Variants in RGS5 observed in about 807,000 individuals in gnomAD.
RGS5 encodes regulator of G protein signaling 5.
Under a neutral mutation model 18.9 loss-of-function variants are expected in RGS5, and 20 were observed. The ratio of observed to expected loss-of-function variants is 1.06; its 90% CI spans 0.74 to 1.54. The LOEUF (loss-of-function observed/expected upper bound fraction) is 1.54. Among genes scored for constraint, RGS5 ranks in the 40% most tolerant of loss-of-function variants. RGS5 has a pLI of 0.00. For missense variants in RGS5, 201 were observed against 211.8 expected (o/e 0.95, Z 0.32); for synonymous variants, 57 against 76.2 (o/e 0.75, Z 1.31).
intron 2 of RGS5, 73 bp from the exon 3 acceptor site, chr1:163,162,049 A>G: frequency 2.0e-6 from 2 of 981,086 alleles, no homozygotes; most frequent in Non-Finnish European, 3.3e-6. Flanking sequence ...AGCAATAACT[A>G]CTTCCTGTTT....
chr1:163,208,459 A>C (rs1161338460), intron 1 of RGS5, among the ~76,000 whole-genome samples: 4 of 135,490 alleles, frequency 3.0e-5, no homozygotes, highest in Non-Finnish European at 4.7e-5. Context: ...TCAAGGCTGC[A>C]GTGAGCTATG....
chr1:163,173,080 A>G (rs1222735473), intron 1 of RGS5, among the ~76,000 whole-genome samples: 2 of 152,328 alleles, frequency 1.3e-5, no homozygotes, highest in Admixed American at 1.3e-4. Context: ...CATCAAAAAC[A>G]ACACCATCCA....
chr1:163,263,073 C>T (rs757244533), intron 2 of RGS5, among the ~76,000 whole-genome samples: 1 of 152,174 alleles, frequency 6.6e-6, no homozygotes, highest in Non-Finnish European at 1.5e-5. Flanking sequence ...ACCTCAGGGA[C>T]TTCATTGCTT....
chr1:163,205,436 C>G (rs1170261100), upstream of RGS5, among the ~76,000 whole-genome samples: 5 of 151,168 alleles, frequency 3.3e-5, no homozygotes, highest in Non-Finnish European at 5.9e-5. Context: ...TTTAAAATCT[C>G]CTTTCCCTCC....
chr1:163,165,736 T>A (rs977892500), intron 2 of RGS5, among the ~76,000 whole-genome samples: 1 of 151,778 alleles, frequency 6.6e-6, no homozygotes, highest in South Asian at 2.1e-4. Flanking sequence ...AGAAACCCTG[T>A]CTCTACTAAA....
At chr1:163,191,753 G>A (rs765481946) in intron 1 of RGS5, among the ~76,000 whole-genome samples, 4 of 152,098 alleles carry the variant, frequency 2.6e-5, no homozygotes, top group Non-Finnish European at 4.4e-5. Context: ...AGAGGACCAC[G>A]TTTTGCTCTA....
At chr1:163,263,162 C>T (rs1648495398) in intron 2 of RGS5, among the ~76,000 whole-genome samples, 1 of 152,136 alleles carries the variant, frequency 6.6e-6, no homozygotes, top group Non-Finnish European at 1.5e-5. Context: ...TACAAAAGAT[C>T]TTCTGTAATT....
At chr1:163,233,354 T>G (rs1221781546) in intron 2 of RGS5, among the ~76,000 whole-genome samples, 1 of 152,248 alleles carries the variant, frequency 6.6e-6, no homozygotes, top group Non-Finnish European at 1.5e-5. Context: ...TAATAAAAGA[T>G]GTTTTAAAAT....
At chr1:163,161,889 TA>T in intron 3 of RGS5, 25 bp downstream of exon 3, 2 of 1,598,490 alleles carry the variant, frequency 1.3e-6, no homozygotes, top group Non-Finnish European at 1.7e-6. Context: ...GACCTTTATT[TA>T]AAAAAACAAA....
chr1:163,321,191 G>C (rs181787787), intron 1 of RGS5: 12 of 152,376 alleles, frequency 7.9e-5, no homozygotes, highest in African/African-American at 2.9e-4. Context: ...GAACAGTTCA[G>C]AGGTGAAAAG....
intron 4 of RGS5, among the ~76,000 whole-genome samples, chr1:163,148,112 A>G (rs1056972282): frequency 3.3e-5 from 5 of 151,546 alleles, no homozygotes; most frequent in Admixed American, 3.3e-4. Flanking sequence ...CTTTTGATAG[A>G]GACGGGGTTT....
chr1:163,258,559 T>C (rs1648339526), intron 2 of RGS5, among the ~76,000 whole-genome samples: 1 of 152,052 alleles, frequency 6.6e-6, no homozygotes, highest in South Asian at 2.1e-4. Flanking sequence ...GCCTGATAAG[T>C]TTTTCTATTA....
At chr1:163,202,712 T>G in intron 1 of RGS5, 80 bp downstream of exon 1, 1 of 1,292,546 alleles carries the variant, frequency 7.7e-7, no homozygotes, top group South Asian at 1.2e-5. Context: ...CTACAATACC[T>G]CTGTTACCAC....
intron 2 of RGS5, chr1:163,304,963 T>C (rs1021844192): frequency 6.6e-6 from 1 of 152,254 alleles, no homozygotes; most frequent in Non-Finnish European, 1.5e-5. Context: ...CTTCTACTTA[T>C]TGTCTCCAAC....
chr1:163,169,037 G>A (rs1469015411), intron 1 of RGS5, among the ~76,000 whole-genome samples: 1 of 123,020 alleles, frequency 8.1e-6, no homozygotes, highest in East Asian at 2.4e-4. Context: ...AACAGTCCCT[G>A]GTGTGTGATG....
At chr1:163,269,227 G>A (rs1428207096) in intron 2 of RGS5, among the ~76,000 whole-genome samples, 1 of 152,098 alleles carries the variant, frequency 6.6e-6, no homozygotes, top group Admixed American at 6.6e-5. Context: ...ATGAAAAGGG[G>A]TTAATAAAAA....
intron 1 of RGS5, among the ~76,000 whole-genome samples, chr1:163,195,193 T>A (rs187373218): frequency 6.3e-4 from 96 of 152,254 alleles, no homozygotes; most frequent in Non-Finnish European, 1.1e-3. Flanking sequence ...TACGTGCCCA[T>A]CGACCAGTGA....
At chr1:163,167,730 C>G (rs1013788533) in intron 2 of RGS5, among the ~76,000 whole-genome samples, 11 of 152,146 alleles carry the variant, frequency 7.2e-5, no homozygotes, top group Admixed American at 3.9e-4. Context: ...AGACTTTGTT[C>G]CTCTGTTGGA....
intron 2 of RGS5, among the ~76,000 whole-genome samples, chr1:163,285,850 A>G (rs1649129965): frequency 6.6e-6 from 1 of 151,968 alleles, no homozygotes; most frequent in African/African-American, 2.4e-5. Context: ...TGCCATGGGT[A>G]AGTTTCCCAG....
Sources: gnomAD v4.1 joint callset for allele counts (sites outside exome capture counted in the v4.1 genomes callset) on GRCh38, gnomAD v4.1.1 for gene constraint, MANE v1.5 for transcripts, NCBI Gene and HGNC (gene_info 2026-07-23, HGNC 2026-07-21) for gene names.